SPHKAP: variants seen among roughly 807,000 people sequenced by gnomAD.
The protein encoded by SPHKAP is SPHK1 interactor, AKAP domain containing, also known as A-kinase anchor protein SPHKAP.
SPHKAP carries 67 observed loss-of-function variants against 137.5 expected under a neutral mutation model. That is an observed-to-expected ratio of 0.49 (90% CI 0.40 to 0.60). SPHKAP has a LOEUF of 0.60. Among genes scored for constraint, SPHKAP ranks in the 20% least tolerant of loss-of-function variants. SPHKAP has a pLI of 0.00. For synonymous variants in SPHKAP, 813 were observed against 785.3 expected, an observed-to-expected ratio of 1.04 and a Z score of -0.59; for missense variants, 2,097 against 2,069.3, an observed-to-expected ratio of 1.01 and a Z score of -0.26.
chr2:228,024,845 G>T, intron 5 of SPHKAP, among the ~76,000 whole-genome samples: 1 of 152,018 alleles, frequency 6.6e-6, no homozygotes, highest in East Asian at 1.9e-4. Context: ...ATGAGTGCAC[G>T]GAATGATAAT....
At chr2:228,148,408 A>G (rs1699838900) in intron 1 of SPHKAP, among the ~76,000 whole-genome samples, 1 of 152,200 alleles carries the variant, frequency 6.6e-6, no homozygotes, top group African/African-American at 2.4e-5. Flanking sequence ...GTCATCTAAG[A>G]TAGAAGAAGG....
chr2:228,030,530 AAACAAC>A (rs1559356955), intron 3 of SPHKAP, among the ~76,000 whole-genome samples: 1 of 68,728 alleles, frequency 1.5e-5, no homozygotes, highest in Admixed American at 1.6e-4. Context: ...AAAAAAAAAA[AAACAAC>A]AAAAAACAAA....
At chr2:228,007,354 A>G (rs1213959764) in intron 7 of SPHKAP, among the ~76,000 whole-genome samples, 1 of 152,110 alleles carries the variant, frequency 6.6e-6, no homozygotes, top group Non-Finnish European at 1.5e-5. Context: ...AGCTATTTTG[A>G]GATATATCAT....
chr2:228,096,705 G>A (rs183283603), intron 3 of SPHKAP, among the ~76,000 whole-genome samples: 18 of 151,942 alleles, frequency 1.2e-4, no homozygotes, highest in East Asian at 3.9e-4. Context: ...ATGCTGTGGT[G>A]CTGCTGGGTG....
At chr2:228,027,603 G>A in intron 3 of SPHKAP, 60 bp from the exon 4 acceptor site, 1 of 1,543,360 alleles carries the variant, frequency 6.5e-7, no homozygotes, top group African/African-American at 1.4e-5. Flanking sequence ...CTTTTTAGAA[G>A]AAAGAAAGCA....
intron 2 of SPHKAP, 49 bp downstream of exon 2, chr2:228,131,931 A>C (rs1379602797): frequency 1.3e-6 from 2 of 1,578,210 alleles, no homozygotes; most frequent in Non-Finnish European, 1.7e-6. Context: ...GAATTAAATG[A>C]ATATTCAAGT....
At chr2:228,083,355 T>C (rs113036284) in intron 3 of SPHKAP, among the ~76,000 whole-genome samples, 3,520 of 152,336 alleles carry the variant, frequency 0.023, 129 homozygotes, top group African/African-American at 0.079. Context: ...ATCTGTTGTT[T>C]CCTGGCTTTT....
At chr2:227,990,075 C>T (rs1693360446) in intron 11 of SPHKAP, among the ~76,000 whole-genome samples, 1 of 152,228 alleles carries the variant, frequency 6.6e-6, no homozygotes, top group African/African-American at 2.4e-5. Flanking sequence ...AGCAGGGAAA[C>T]AGGACCTCAG....
At chr2:228,045,162 A>G (rs549062893) in intron 3 of SPHKAP, among the ~76,000 whole-genome samples, 73 of 151,604 alleles carry the variant, frequency 4.8e-4, no homozygotes, top group Middle Eastern at 3.4e-3. Flanking sequence ...ACTGTAAACT[A>G]GTTCAACCAT....
chr2:228,102,650 A>T (rs931981382), intron 3 of SPHKAP, among the ~76,000 whole-genome samples: 11 of 152,224 alleles, frequency 7.2e-5, no homozygotes, highest in African/African-American at 2.7e-4. Context: ...TACAGTATTT[A>T]CTGAATATAC....
intron 3 of SPHKAP, among the ~76,000 whole-genome samples, chr2:228,064,846 T>C (rs1007769459): frequency 6.6e-6 from 1 of 152,258 alleles, no homozygotes; most frequent in Non-Finnish European, 1.5e-5. Flanking sequence ...CAAATTGCCA[T>C]GAGCCTTGAG....
rs1252366670 is a variant in SPHKAP at position 227,983,080 on chromosome 2, C to A, written c.4960-1220G>T. Among the ~76,000 whole-genome samples the A allele has an allele frequency of 2.0e-5, 3 of 152,164 alleles. No individual in the cohort carries two copies. The East Asian group carries it at 5.8e-4, about 29-fold the overall frequency. ...GAGGATTGTGGTTCAGTTACTATTT[C>A]TTCAATTTTTTTTCTAGGATTTTTT... On this transcript the variant is annotated intron_variant, in intron 11 of 11. Coordinates refer to ENST00000392056, the MANE Select transcript of SPHKAP (RefSeq NM_001142644.2).
intron 1 of SPHKAP, among the ~76,000 whole-genome samples, chr2:228,155,485 T>G (rs935230153): frequency 6.6e-6 from 1 of 152,200 alleles, no homozygotes; most frequent in African/African-American, 2.4e-5. Flanking sequence ...TAACTCCATA[T>G]ATTTCCAAAT....
At chr2:227,994,908 T>A (rs563250647) in intron 8 of SPHKAP, among the ~76,000 whole-genome samples, 1 of 152,330 alleles carries the variant, frequency 6.6e-6, no homozygotes, top group East Asian at 1.9e-4. Flanking sequence ...TGTGGTTCAG[T>A]ATCAAATGAG....
intron 6 of SPHKAP, 25 bp downstream of exon 6, chr2:228,021,686 G>A: frequency 6.4e-7 from 1 of 1,567,808 alleles, no homozygotes; most frequent in Non-Finnish European, 8.6e-7. Flanking sequence ...CTAATTTCAG[G>A]AGGCACTAAT....
intron 1 of SPHKAP, among the ~76,000 whole-genome samples, chr2:228,177,258 AC>A (rs1305614852): frequency 1.3e-5 from 2 of 151,716 alleles, no homozygotes; most frequent in Non-Finnish European, 2.9e-5. Flanking sequence ...ACTATCCACA[AC>A]CCAGCAACAA....
At chr2:228,032,045 G>A (rs940007821) in intron 3 of SPHKAP, among the ~76,000 whole-genome samples, 40 of 152,360 alleles carry the variant, frequency 2.6e-4, no homozygotes, top group Non-Finnish European at 4.7e-4. Flanking sequence ...TGACTTTGAT[G>A]AGCTGAGAGA....
chr2:228,102,512 C>T (rs1698210599), intron 3 of SPHKAP, among the ~76,000 whole-genome samples: 2 of 151,950 alleles, frequency 1.3e-5, no homozygotes, highest in African/African-American at 4.8e-5. Flanking sequence ...AGAATTCTAC[C>T]TACAACCATA....
chr2:228,062,957 G>T (rs1158650360), intron 3 of SPHKAP, among the ~76,000 whole-genome samples: 1 of 152,198 alleles, frequency 6.6e-6, no homozygotes, highest in Non-Finnish European at 1.5e-5. Context: ...GCTTTTTACA[G>T]ATGGTAGGTT....
Sources: gnomAD v4.1 joint callset for allele counts (sites outside exome capture counted in the v4.1 genomes callset) on GRCh38, gnomAD v4.1.1 for gene constraint, MANE v1.5 for transcripts, NCBI Gene and HGNC (gene_info 2026-07-23, HGNC 2026-07-21) for gene names.